The following RAP1GAP2 variants were observed in gnomAD, a reference collection of about 807,000 sequenced individuals.
The protein encoded by RAP1GAP2 is rap1 GTPase-activating protein 2.
RAP1GAP2 carries 27 observed loss-of-function variants against 95.0 expected under a neutral mutation model. That is an observed-to-expected ratio of 0.28 (90% CI 0.21 to 0.39). RAP1GAP2 has a LOEUF of 0.39. Among genes scored for constraint, RAP1GAP2 ranks in the 10% least tolerant of loss-of-function variants. RAP1GAP2 has a pLI of 1.00. For missense variants in RAP1GAP2, 771 were observed against 970.0 expected, an observed-to-expected ratio of 0.79 and a Z score of 2.72; for synonymous variants, 373 against 380.9, an observed-to-expected ratio of 0.98 and a Z score of 0.24.
At chr17:2,760,991 G>C (rs2071235486) in intron 1 of RAP1GAP2, among the ~76,000 whole-genome samples, 1 of 151,572 alleles carries the variant, frequency 6.6e-6, no homozygotes, top group Non-Finnish European at 1.5e-5. Flanking sequence ...TTTCACTCTT[G>C]TTGTCCAGGC....
Position 2,901,040 on chromosome 17 carries a change from G to A in RAP1GAP2, c.81-4244G>A, listed in dbSNP as rs138492758. ...CTCCGCCAGGGGTCTGTCTAGCTCC[G>A]TCTGGGTGAATCATGGCCTTTGACT... On this transcript the variant is annotated intron_variant, in intron 2 of 24. Transcript: ENST00000254695. Among the ~76,000 whole-genome samples, 10 of 152,348 alleles carry A rather than the reference G, an allele frequency of 6.6e-5. No individual in the cohort carries two copies. In the South Asian group the frequency reaches 8.3e-4, roughly 13 times the overall value.
In RAP1GAP2 at chr17:2,756,551, T is replaced by G. The variant is rs2071150838; in HGVS notation, c.50+784T>G. ...ACCTCTGCTTGGCGGCACTTGGAGC[T>G]TAGGGCAGCCTGCACAGCCCTCCCC... On this transcript the variant is annotated intron_variant, in intron 1 of 25. Coordinates refer to the RAP1GAP2 transcript ENST00000637138. Among the ~76,000 whole-genome samples, 6 of 152,138 alleles carry G rather than the reference T, an allele frequency of 3.9e-5. No homozygotes were observed. The South Asian group carries it at 1.2e-3, about 32-fold the overall frequency.
intron 2 of RAP1GAP2, among the ~76,000 whole-genome samples, chr17:2,864,413 G>A (rs1430901635): frequency 1.3e-5 from 2 of 152,240 alleles, no homozygotes; most frequent in Non-Finnish European, 2.9e-5. Flanking sequence ...TTGTGAATCT[G>A]TTTTTCAGTC....
chr17:2,898,551 T>A (rs1597552555), intron 2 of RAP1GAP2, among the ~76,000 whole-genome samples: 2 of 152,218 alleles, frequency 1.3e-5, no homozygotes, highest in East Asian at 1.9e-4. Context: ...GCCATGTGCA[T>A]ATACCCGGGG....
rs1212827898 is a variant in RAP1GAP2 at position 2,825,860 on chromosome 17, T to G, written c.80+25310T>G. On this transcript the variant is annotated intron_variant, in intron 2 of 24. Transcript: ENST00000254695. The surrounding 1 kb of genome is among the most constrained non-coding windows in gnomAD (Gnocchi z 4.1). ...AAGCATGAGGCAGTGCCAATAGAGA[T>G]ATTCTTCCTGGTGGAATGAGGGAAG... Among the ~76,000 whole-genome samples, 2 of 151,980 alleles carry G rather than the reference T, an allele frequency of 1.3e-5. No individual in the cohort carries two copies. The highest frequency in any genetic ancestry group is 2.1e-4 in the South Asian group (1 of 4,768).
chr17:3,018,527 A>G (rs531805888), intron 18 of RAP1GAP2, among the ~76,000 whole-genome samples: 1 of 152,224 alleles, frequency 6.6e-6, no homozygotes, highest in East Asian at 1.9e-4. Flanking sequence ...TTTGCTGCTC[A>G]GGGGCTCGGG....
Position 2,906,163 on chromosome 17 carries a change from C to T in RAP1GAP2, c.165+795C>T, listed in dbSNP as rs2042193371. Among the ~76,000 whole-genome samples, 2 of 152,282 alleles carry T rather than the reference C, an allele frequency of 1.3e-5. No homozygotes were observed. Among genetic ancestry groups the T allele is most frequent in the Non-Finnish European group, 2.9e-5 (2 of 68,016 alleles). ...GGACTAGTGCTGAAGAAGTCACCTG[C>T]CTCCTGAGTCATCTGAGGGGACATC... On this transcript the variant is annotated intron_variant, in intron 3 of 24. Transcript: ENST00000254695. The surrounding 1 kb of genome is among the most constrained non-coding windows in gnomAD (Gnocchi z 4.3).
At chr17:2,998,475 A>G in intron 14 of RAP1GAP2, 99 bp downstream of exon 14, 2 of 1,404,790 alleles carry the variant, frequency 1.4e-6, no homozygotes, top group Non-Finnish European at 1.9e-6. Context: ...GCAGTCAGAG[A>G]TTCTCCATGA....
In RAP1GAP2 at chr17:2,857,955, C is replaced by T. The variant is rs2072214820; in HGVS notation, c.81-47329C>T. Among the ~76,000 whole-genome samples, 1 of 152,192 alleles carries T rather than the reference C, an allele frequency of 6.6e-6. No homozygotes were observed. The highest frequency in any genetic ancestry group is 1.5e-5 in the Non-Finnish European group (1 of 68,032). Reference sequence around the variant, plus strand: ...TCTCTACTAAAAATGCAAAAAGTAGCTGGGTGTGGTGGCGTGCACCTGTAA... The same window carrying T: ...TCTCTACTAAAAATGCAAAAAGTAGTTGGGTGTGGTGGCGTGCACCTGTAA... On this transcript the variant is annotated intron_variant, in intron 2 of 24. Coordinates refer to ENST00000254695, the MANE Select transcript of RAP1GAP2 (RefSeq NM_015085.5). The surrounding 1 kb of genome is among the most constrained non-coding windows in gnomAD (Gnocchi z 4.0).
chr17:2,929,170 C>A (rs137987189), intron 3 of RAP1GAP2, among the ~76,000 whole-genome samples: 14 of 152,144 alleles, frequency 9.2e-5, no homozygotes, highest in Non-Finnish European at 1.5e-4. Context: ...GCATTTGAGG[C>A]TGCAGTGAAC....
chr17:2,843,975 G>A (rs1269689601), intron 2 of RAP1GAP2, among the ~76,000 whole-genome samples: 2 of 152,036 alleles, frequency 1.3e-5, no homozygotes, highest in African/African-American at 4.8e-5. Context: ...AGTTTGGAGC[G>A]TTGGGTAAAA....
intron 2 of RAP1GAP2, among the ~76,000 whole-genome samples, chr17:2,826,147 A>ATTTTTTT (rs71150901): frequency 1.3e-4 from 14 of 108,862 alleles, no homozygotes; most frequent in African/African-American, 1.5e-4. Context: ...CGCCCAGCAA[A>ATTTTTTT]TTTTTTTTTT....
intron 22 of RAP1GAP2, among the ~76,000 whole-genome samples, chr17:3,028,499 A>G (rs2151666918): frequency 6.6e-6 from 1 of 152,324 alleles, no homozygotes; most frequent in East Asian, 1.9e-4. Flanking sequence ...TGGTAGAAAC[A>G]CAGGAAGGGC....
At chr17:2,856,022 G>T (rs556611248) in intron 2 of RAP1GAP2, among the ~76,000 whole-genome samples, 6 of 152,364 alleles carry the variant, frequency 3.9e-5, no homozygotes, top group East Asian at 3.8e-4. Context: ...CGACATGTGT[G>T]TCTAGCAGAA....
intron 1 of RAP1GAP2, among the ~76,000 whole-genome samples, chr17:2,787,029 C>T (rs2068798931): frequency 7.0e-6 from 1 of 143,772 alleles, no homozygotes; most frequent in South Asian, 2.3e-4. Context: ...CTGCTCACTG[C>T]AACCTCCGCT....
At chr17:2,800,858 T>C (rs2069261969) in intron 2 of RAP1GAP2, among the ~76,000 whole-genome samples, 1 of 149,638 alleles carries the variant, frequency 6.7e-6, no homozygotes, top group East Asian at 2.0e-4. Flanking sequence ...TTTCTTTCTT[T>C]TTTTTTTTTT....
At chr17:2,957,282 C>T (rs1164562075) in intron 3 of RAP1GAP2, among the ~76,000 whole-genome samples, 2 of 152,164 alleles carry the variant, frequency 1.3e-5, no homozygotes, top group African/African-American at 4.8e-5. Flanking sequence ...ATAGCGGGCC[C>T]TCCCCCTCCT....
At chr17:2,806,312 A>ATTGTCCAT (rs2069512050) in intron 2 of RAP1GAP2, among the ~76,000 whole-genome samples, 1 of 152,094 alleles carries the variant, frequency 6.6e-6, no homozygotes, top group South Asian at 2.1e-4. Context: ...TGCTGGAGAC[A>ATTGTCCAT]TTGTCCATGA....
intron 17 of RAP1GAP2, among the ~76,000 whole-genome samples, chr17:3,012,620 A>T (rs1406752260): frequency 6.6e-6 from 1 of 151,422 alleles, no homozygotes; most frequent in African/African-American, 2.4e-5. Flanking sequence ...AAAAAAAAAA[A>T]AAAAAAAAAA....
Sources: allele counts gnomAD v4.1 joint callset (sites outside exome capture counted in the v4.1 genomes callset), GRCh38; gene constraint gnomAD v4.1.1; non-coding constraint Gnocchi (gnomAD v3.1); transcripts MANE v1.5; gene names NCBI Gene and HGNC (gene_info 2026-07-23, HGNC 2026-07-21).